The following COL9A3 variants were observed in gnomAD, a reference collection of about 807,000 sequenced individuals.
COL9A3 encodes the protein collagen type IX alpha 3 chain.
Under a neutral mutation model 110.2 loss-of-function variants are expected in COL9A3, and 82 were observed. The ratio of observed to expected loss-of-function variants is 0.74; its 90% CI spans 0.62 to 0.89. The LOEUF (loss-of-function observed/expected upper bound fraction) is 0.89. COL9A3 is among the 40% of genes least tolerant of loss of function. The pLI is 0.00. For missense variants in COL9A3, 1,066 were observed against 981.3 expected (o/e 1.09, Z -1.15); for synonymous variants, 494 against 403.8 (o/e 1.22, Z -2.68).
rs369821537 is a variant in COL9A3, at chr20:62,819,910, G to A, written c.256-19G>A. 68 of 1,612,522 alleles carry A rather than the reference G, an allele frequency of 4.2e-5. No individual in the cohort carries two copies. Among genetic ancestry groups the A allele is most frequent in the Admixed American group, 5.0e-5 (3 of 59,996 alleles). On this transcript the variant is annotated intron_variant, in intron 4 of 31. Transcript: ENST00000649368. ...GCTTCCCATGTGGCCCCTCGAGCTCGCCCTCTGCCTCTCCCCAGGGTCTGA... is the reference window on the plus strand; with the variant it reads ...GCTTCCCATGTGGCCCCTCGAGCTCACCCTCTGCCTCTCCCCAGGGTCTGA...
At chr20:62,823,642 A>G (rs1445280853) in intron 10 of COL9A3, among the ~76,000 whole-genome samples, 1 of 152,244 alleles carries the variant, frequency 6.6e-6, no homozygotes, top group African/African-American at 2.4e-5. Flanking sequence ...GGCTGAAGAT[A>G]CGGGTCTGCA....
At chr20:62,818,018 G>A (rs894300407) in intron 2 of COL9A3, 1 of 369,528 alleles carries the variant, frequency 2.7e-6, no homozygotes, top group African/African-American at 2.1e-5. Context: ...GCCATGGAGG[G>A]GGCTTAGGAG....
In COL9A3 at chr20:62,826,825, G is replaced by C; in HGVS notation, c.792+5G>C. The C allele has an allele frequency of 6.2e-7, 1 of 1,612,752 alleles. No individual in the cohort carries two copies. The highest frequency in any genetic ancestry group is 8.5e-7 in the Non-Finnish European group (1 of 1,179,916). ...CCAGGAGCGCCTGGGAAAGCGGTAC[G>C]TGTGTCAGTGGACGGTGGGCGCCAT... On this transcript the variant is annotated splice_donor_5th_base_variant and intron_variant, in intron 15 of 31. Transcript: ENST00000649368.
intron 12 of COL9A3, 50 bp from the exon 13 acceptor site, chr20:62,825,767 G>T (rs987653802): frequency 6.5e-7 from 1 of 1,541,010 alleles, no homozygotes. Flanking sequence ...ACCGAAAGGT[G>T]CAAGGAGAGC....
At position 62,826,765 on chromosome 20, in the gene COL9A3, A is replaced by C. The variant is rs781108813; in HGVS notation, c.739-2A>C. On this transcript the variant is annotated splice_acceptor_variant, in intron 14 of 31. Coordinates refer to ENST00000649368, the MANE Select transcript of COL9A3 (RefSeq NM_001853.4). LOFTEE classifies it high-confidence loss of function. ...ACCCCGGATCCCCTCTCTCCTCTGC[A>C]GGGTCCCATTGGGTTCCGAGGGCCG... 6.2e-7 allele frequency: 1 copy of C among 1,612,706 alleles called. No individual in the cohort carries two copies. The highest frequency in any genetic ancestry group is 8.5e-7 in the Non-Finnish European group (1 of 1,179,916).
intron 25 of COL9A3, chr20:62,832,767 C>CACAAGTTCTGCTTG: frequency 2.7e-6 from 1 of 370,692 alleles, no homozygotes; most frequent in Non-Finnish European, 4.2e-6. Flanking sequence ...GAACCCCCAC[C>CACAAGTTCTGCTTG]GCAGGTTCTG....
chr20:62,832,868 C>A (rs1407115165), intron 25 of COL9A3, 152 bp from the exon 26 acceptor site: 3 of 710,568 alleles, frequency 4.2e-6, no homozygotes, highest in Admixed American at 2.1e-5. Context: ...GTGTTTGGAG[C>A]GGGTTAAAAG....
chr20:62,837,412 C>T (rs1251177656), intron 30 of COL9A3, 147 bp downstream of exon 30: 26 of 761,048 alleles, frequency 3.4e-5, no homozygotes, highest in South Asian at 2.9e-4. Context: ...GGGCCTAGCG[C>T]AGTTAACTCC....
chr20:62,829,400 T>G, intron 19 of COL9A3, 55 bp from the exon 20 acceptor site: 1 of 1,609,252 alleles, frequency 6.2e-7, no homozygotes, highest in Non-Finnish European at 8.5e-7. Flanking sequence ...CCCTGGGTGC[T>G]GCTGCCGGCG....
chr20:62,830,811 G>A (rs2063591985), intron 24 of COL9A3, among the ~76,000 whole-genome samples: 1 of 41,396 alleles, frequency 2.4e-5, no homozygotes, highest in South Asian at 1.1e-3. Flanking sequence ...CAGTCCCCTG[G>A]GACGCAGACA....
At chr20:62,823,881 G>A (rs988064016) in intron 10 of COL9A3, among the ~76,000 whole-genome samples, 3 of 152,248 alleles carry the variant, frequency 2.0e-5, no homozygotes, top group African/African-American at 7.2e-5. Flanking sequence ...CTGCCGTGGG[G>A]CCGGCTGCTC....
At position 62,825,451 on chromosome 20, in the gene COL9A3, T is replaced by C. The variant is rs959914661; in HGVS notation, c.631-366T>C. Reference sequence around the variant, plus strand: ...GCTGTCCGTGGAGGGTGTCTGTCCATGGTCACCTGCAGGCCGGGGGACCAG... The same window carrying C: ...GCTGTCCGTGGAGGGTGTCTGTCCACGGTCACCTGCAGGCCGGGGGACCAG... On this transcript the variant is annotated intron_variant, in intron 12 of 31. Coordinates refer to ENST00000649368, the MANE Select transcript of COL9A3 (RefSeq NM_001853.4). The C allele has an allele frequency of 1.6e-5, 6 of 379,774 alleles. No homozygotes were observed. In the East Asian group the frequency reaches 2.3e-4, roughly 15 times the overall value. The allele number at this position is 379,774 out of a possible 1,614,324, so 23.5% of individuals were successfully genotyped here. A position where few individuals can be genotyped will look rare whatever the true frequency, so the allele number is the denominator to read the frequency against.
intron 9 of COL9A3, 38 bp downstream of exon 9, chr20:62,822,202 T>G (rs765739285): frequency 3.3e-6 from 4 of 1,210,726 alleles, no homozygotes; most frequent in Non-Finnish European, 2.5e-6. Flanking sequence ...GTGCTGGGCA[T>G]GGACTAGGAC....
In COL9A3 at chr20:62,817,627, G is replaced by A. The variant is rs777295781; in HGVS notation, c.139G>A (p.Gly47Ser). 1.3e-6 allele frequency: 2 copies of A among 1,540,550 alleles called. No homozygotes were observed. Among genetic ancestry groups the A allele is most frequent in the Admixed American group, 2.0e-5 (1 of 49,418 alleles). Residue 47 changes from glycine (G) to serine (S), a missense_variant, in exon 2 of 32, where the codon GGC becomes AGC. Gly to Ser is a moderately conservative substitution (Grantham distance 56). Transcript: ENST00000649368. ...PGPPGKPGQD[G>S]IDGEAGPPGL... ...GCCGCCCGGGAAGCCCGGCCAGGAC[G>A]GCATTGACGTGAGTTTGGGGGTGGG...
intron 13 of COL9A3, 26 bp downstream of exon 13, chr20:62,825,896 G>A (rs1156386851): frequency 1.9e-6 from 3 of 1,556,034 alleles, no homozygotes; most frequent in East Asian, 4.8e-5. Flanking sequence ...GGTAAGGATG[G>A]TGGGATGGGA....
chr20:62,826,282 G>A (rs1466716503), intron 14 of COL9A3, 25 bp downstream of exon 14: 8 of 1,544,936 alleles, frequency 5.2e-6, no homozygotes, highest in Non-Finnish European at 7.0e-6. Flanking sequence ...CCCTAGTGGG[G>A]GCCGGCCAGG....
In COL9A3 at chr20:62,836,270, C is replaced by T. The variant is rs143930593; in HGVS notation, c.1485C>T (p.Pro495=). 9.8e-5 allele frequency: 158 copies of T among 1,613,712 alleles called. 1 individual carries two copies. Among genetic ancestry groups the T allele is most frequent in the Admixed American group, 1.2e-4 (7 of 60,008 alleles). The stretch of plus-strand genomic sequence containing the variant: ...GTGTTCAGGGTGTCCCCGGGCCCCC[C>T]GGTCCTCTGGGCCTGCAGGGCGTCC... The part of the protein sequence containing the change: ...TSGVQGVPGP[P]GPLGLQGVPG... Residue 495 remains proline (P), a synonymous_variant, in exon 28 of 32, where the codon CCC becomes CCT. Transcript: ENST00000649368.
At chr20:62,833,699 G>A (rs755353222) in intron 26 of COL9A3, among the ~76,000 whole-genome samples, 1 of 149,086 alleles carries the variant, frequency 6.7e-6, no homozygotes, top group South Asian at 2.1e-4. Flanking sequence ...CACCGCGCCC[G>A]GCCGGGGGTT....
chr20:62,834,662 G>A (rs1306912916), intron 26 of COL9A3, among the ~76,000 whole-genome samples: 1 of 144,888 alleles, frequency 6.9e-6, no homozygotes, highest in East Asian at 2.3e-4. Flanking sequence ...ATTTTTTTTT[G>A]AGACGGAGTC....
Sources: allele counts gnomAD v4.1 joint callset (sites outside exome capture counted in the v4.1 genomes callset), GRCh38; gene constraint gnomAD v4.1.1; transcripts MANE v1.5; gene names NCBI Gene and HGNC (gene_info 2026-07-23, HGNC 2026-07-21).